The following CES2 variants were observed in gnomAD, a reference collection of about 807,000 sequenced individuals.
CES2 encodes carboxylesterase 2, also known as cocaine esterase.
A neutral mutation model predicts 52.1 loss-of-function variants in CES2; 42 were observed. The ratio of observed to expected loss-of-function variants is 0.81; its 90% CI spans 0.63 to 1.04. The LOEUF (loss-of-function observed/expected upper bound fraction) is 1.04. Ranked by LOEUF, CES2 falls within the 50% of genes least tolerant of loss-of-function variation. The probability of loss-of-function intolerance (pLI) is 0.00; values close to 1 mark genes in which losing one functional copy is unlikely to be tolerated. For missense variants in CES2, 656 were observed against 724.3 expected (o/e 0.91, Z 1.08); for synonymous variants, 277 against 289.6 (o/e 0.96, Z 0.44).
At position 66,943,320 on chromosome 16, in the gene CES2, A is replaced by G. The variant is rs1283520985; in HGVS notation, c.1442A>G (p.Glu481Gly). The stretch of plus-strand genomic sequence containing the variant: ...GCAGTTAAATTCACTGAGGAAGAGG[A>G]GCAGCTAAGCAGGAAGATGATGAAG... ...GNYIKFTEEE[E>G]QLSRKMMKYW... is the part of the protein sequence containing the mutation. The change falls in exon 11 of 12, where the codon GAG becomes GGG. Residue 481 changes from glutamate to glycine, a missense_variant. Coordinates refer to ENST00000317091, the MANE Select transcript of CES2 (RefSeq NM_001365405.1). The surrounding 1 kb of genome is among the most constrained non-coding windows in gnomAD (Gnocchi z 4.2). The G allele has an allele frequency of 1.9e-6, 3 of 1,614,022 alleles. No individual in the cohort carries two copies. The highest frequency in any genetic ancestry group is 4.5e-5 in the East Asian group (2 of 44,896).
chr16:66,935,261 C>G (rs1393232723), upstream of CES2: 2 of 613,010 alleles, frequency 3.3e-6, no homozygotes, highest in African/African-American at 3.7e-5. Context: ...TTTATTGCCC[C>G]CTCCTATCGA....
Position 66,940,609 on chromosome 16 carries a change from C to T in CES2, c.730C>T (p.Gln244Ter). The change falls in exon 5 of 12, where the codon CAA (glutamine) becomes TAA (stop). Residue 244 changes from glutamine (Q) to a stop codon, truncating the protein, a stop_gained. Coordinates refer to ENST00000317091, the MANE Select transcript of CES2 (RefSeq NM_001365405.1). LOFTEE classifies it high-confidence loss of function. The stretch of plus-strand genomic sequence containing the variant: ...TTCGCTTGTTGTGTCCCCCATATCC[C>T]AAGGACTCTTCCACGGAGCCATCAT... ...VSSLVVSPIS[Q>*]GLFHGAIMES... The T allele has an allele frequency of 1.2e-6, 2 of 1,614,240 alleles. No individual in the cohort carries two copies. Among genetic ancestry groups the T allele is most frequent in the Non-Finnish European group, 1.7e-6 (2 of 1,180,036 alleles).
chr16:66,937,031 A>C (rs1472128776), intron 1 of CES2, among the ~76,000 whole-genome samples: 1 of 151,442 alleles, frequency 6.6e-6, no homozygotes, highest in Non-Finnish European at 1.5e-5. Context: ...AAAAAAAAAA[A>C]AGTCAAGCAT....
Position 66,940,421 on chromosome 16 carries a change from C to T in CES2, c.558-16C>T. 5 of 1,614,012 alleles carry T rather than the reference C, an allele frequency of 3.1e-6. No homozygotes were observed. Among genetic ancestry groups the T allele is most frequent in the Non-Finnish European group, 4.2e-6 (5 of 1,179,888 alleles). ...GCCAGGACAGCCCTGTGATCCCTGTCCCTGCTACTTCTCAGCACTGGAGAC... is the reference window on the plus strand; with the variant it reads ...GCCAGGACAGCCCTGTGATCCCTGTTCCTGCTACTTCTCAGCACTGGAGAC... On this transcript the variant is annotated splice_polypyrimidine_tract_variant and intron_variant, in intron 4 of 11. Coordinates refer to ENST00000317091, the MANE Select transcript of CES2 (RefSeq NM_001365405.1).
chr16:66,934,520 C>G (rs1332965479), upstream of CES2: 27 of 1,207,936 alleles, frequency 2.2e-5, no homozygotes, highest in Non-Finnish European at 2.9e-5. The surrounding 1 kb of genome is among the most constrained non-coding windows in gnomAD (Gnocchi z 4.1). Flanking sequence ...GAAGCGGTGA[C>G]CGCGGCCCTG....
rs1963188849 is a variant in CES2, at chr16:66,935,676, C to T, written c.41C>T (p.Ala14Val). 1 of 1,602,092 alleles carries T rather than the reference C, an allele frequency of 6.2e-7. No homozygotes were observed. The highest frequency in any genetic ancestry group is 1.3e-5 in the African/African-American group (1 of 75,036). The change falls in exon 1 of 12, where the codon GCC becomes GTC. Residue 14 changes from alanine to valine, a missense_variant. Physicochemically the swap from Ala to Val is moderately conservative, Grantham distance 64. Coordinates refer to ENST00000317091, the MANE Select transcript of CES2 (RefSeq NM_001365405.1). Reference protein sequence around the residue: ...HRLRARLSAVACGLLLLLVRG... With the variant: ...HRLRARLSAVVCGLLLLLVRG... Reference sequence around the variant, plus strand: ...CTTCGTGCGCGGCTGAGCGCGGTGGCCTGTGGGCTTCTGCTGCTTCTTGTC... The same window carrying T: ...CTTCGTGCGCGGCTGAGCGCGGTGGTCTGTGGGCTTCTGCTGCTTCTTGTC...
rs772821987 is a variant in CES2 at position 66,938,122 on chromosome 16, G to T, written c.162G>T (p.Gly54=). Residue 54 remains glycine, a synonymous_variant, in exon 2 of 12, where the codon GGG becomes GGT. Transcript: ENST00000317091. The part of the protein sequence containing the change: ...SLVHVKGANA[G]VQTFLGIPFA... Reference sequence around the variant, plus strand: ...TCCATGTGAAGGGCGCCAATGCCGGGGTCCAAACCTTCCTGGGAATTCCAT... The same window carrying T: ...TCCATGTGAAGGGCGCCAATGCCGGTGTCCAAACCTTCCTGGGAATTCCAT... 6.2e-7 allele frequency: 1 copy of T among 1,614,114 alleles called. No homozygotes were observed. The highest frequency in any genetic ancestry group is 1.7e-5 in the Admixed American group (1 of 60,012).
intron 6 of CES2, 102 bp from the exon 7 acceptor site, chr16:66,941,404 T>A: frequency 1.3e-6 from 2 of 1,540,058 alleles, no homozygotes; most frequent in South Asian, 2.5e-5. Flanking sequence ...GGGGTGGGTA[T>A]GAGCATCCAG....
Position 66,943,976 on chromosome 16 carries a change from A to G in CES2, c.1631A>G (p.Gln544Arg), listed in dbSNP as rs1963428040. ...CAGTTCTGGAAGAAGGCGCTGCCCC[A>G]AAAGATCCAGGAGCTCGAGGAGCCT... is the stretch of plus-strand genomic sequence containing the variant. Reference protein sequence around the residue: ...RLQFWKKALPQKIQELEEPEE... With the variant: ...RLQFWKKALPRKIQELEEPEE... The change falls in exon 12 of 12, where the codon CAA (glutamine) becomes CGA (arginine). Residue 544 changes from glutamine to arginine, a missense_variant. Transcript: ENST00000317091. This position sits in a 1 kb window ranked among gnomAD's most constrained non-coding sequence, Gnocchi z 4.2. The G allele has an allele frequency of 6.3e-7, 1 of 1,597,372 alleles. No homozygotes were observed. The highest frequency in any genetic ancestry group is 1.1e-5 in the South Asian group (1 of 89,228).
At chr16:66,934,576 T>C (rs1963153732), upstream of CES2, 1 of 714,580 alleles carries the variant, frequency 1.4e-6, no homozygotes, top group Non-Finnish European at 2.2e-6. The surrounding 1 kb of genome is among the most constrained non-coding windows in gnomAD (Gnocchi z 4.1). Flanking sequence ...CAGAAGGCGC[T>C]GAGAAGGGAC....
Position 66,943,507 on chromosome 16 carries a change from C to A in CES2, c.1493+136C>A. ...GATGGCCCCTTCCCCAGCTCCGGGA[C>A]CCACTCAGACAGGGTGGGGGTGCGT... is the stretch of plus-strand genomic sequence containing the variant. On this transcript the variant is annotated intron_variant, in intron 11 of 11. Transcript: ENST00000317091. This position sits in a 1 kb window ranked among gnomAD's most constrained non-coding sequence, Gnocchi z 4.2. 1 of 885,670 alleles carries A rather than the reference C, an allele frequency of 1.1e-6. No homozygotes were observed. The highest frequency in any genetic ancestry group is 1.8e-6 in the Non-Finnish European group (1 of 564,314). The allele number at this position is 885,670 out of a possible 1,614,324, so 54.9% of individuals were successfully genotyped here.
chr16:66,944,066 C>A lies in CES2; in HGVS notation c.*41C>A, dbSNP rs372243961. On this transcript the variant is annotated 3_prime_UTR_variant, in exon 12 of 12. Transcript: ENST00000317091. ...AGGAGGGGGTGGGTTCGCTGACAGGCGAGGGTCAGCCTGCTGTGCCCACAC... is the reference window on the plus strand; with the variant it reads ...AGGAGGGGGTGGGTTCGCTGACAGGAGAGGGTCAGCCTGCTGTGCCCACAC... 2.5e-6 allele frequency: 3 copies of A among 1,181,434 alleles called. No individual in the cohort carries two copies. The highest frequency in any genetic ancestry group is 3.3e-5 in the South Asian group (2 of 59,864). The allele number at this position is 1,181,434 out of a possible 1,614,324, so 73.2% of individuals were successfully genotyped here.
At chr16:66,941,999 C>T in intron 8 of CES2, 106 bp from the exon 9 acceptor site, 1 of 1,514,108 alleles carries the variant, frequency 6.6e-7, no homozygotes, top group Non-Finnish European at 9.0e-7. Context: ...CACCTCAGAG[C>T]CTCGCCTTTG....
In CES2 at chr16:66,943,163, G is replaced by C. The variant is rs1882221438; in HGVS notation, c.1421-136G>C. The C allele has an allele frequency of 1.1e-6, 1 of 880,686 alleles. No homozygotes were observed. Among genetic ancestry groups the C allele is most frequent in the South Asian group, 1.7e-5 (1 of 59,790 alleles). 54.6% of individuals were successfully genotyped at this position (880,686 alleles called of 1,614,324 possible). A position where few individuals can be genotyped will look rare whatever the true frequency, so the allele number is the denominator to read the frequency against. On this transcript the variant is annotated intron_variant, in intron 10 of 11. Coordinates refer to ENST00000317091, the MANE Select transcript of CES2 (RefSeq NM_001365405.1). The surrounding 1 kb of genome is among the most constrained non-coding windows in gnomAD (Gnocchi z 4.2). ...GGAAAGTTTGGAAAAGGGGAGGGCT[G>C]GCTTCTGAGGGCAGTGGAAGAAAAA...
rs770964350 is a variant in CES2, at chr16:66,940,659, C to T, written c.780C>T (p.Pro260=). 26 of 1,614,074 alleles carry T rather than the reference C, an allele frequency of 1.6e-5. No individual in the cohort carries two copies. Among genetic ancestry groups the T allele is most frequent in the South Asian group, 9.9e-5 (9 of 91,086 alleles). The stretch of plus-strand genomic sequence containing the variant: ...TGGAGAGTGGCGTGGCCCTCCTGCC[C>T]GGCCTCATTGCCAGCTCAGCTGATG... ...AIMESGVALL[P]GLIASSADVI... is the part of the protein sequence containing the mutation. Residue 260 remains proline (P), a synonymous_variant, in exon 5 of 12, where the codon CCC becomes CCT. Transcript: ENST00000317091.
intron 2 of CES2, 97 bp from the exon 3 acceptor site, chr16:66,939,120 G>T: frequency 2.0e-6 from 2 of 997,480 alleles, no homozygotes; most frequent in Non-Finnish European, 1.6e-6. Context: ...AGGATATTGT[G>T]GGAAGGGTCT....
At position 66,935,785 on chromosome 16, in the gene CES2, T is replaced by G. The variant is rs561593977; in HGVS notation, c.76+74T>G. The G allele has an allele frequency of 5.5e-3, 8,848 of 1,595,284 alleles. 28 individuals are homozygous for G. Among genetic ancestry groups the G allele is most frequent in the Non-Finnish European group, 6.8e-3 (7,961 of 1,177,748 alleles). ...ATGCTGCGGAGGCAGAACCTGACAG[T>G]GCGGGAGGGCAGGCGCCTGGGAGGT... On this transcript the variant is annotated intron_variant, in intron 1 of 11. Transcript: ENST00000317091.
At chr16:66,936,678 C>T (rs1220749830) in intron 1 of CES2, among the ~76,000 whole-genome samples, 2 of 152,116 alleles carry the variant, frequency 1.3e-5, no homozygotes, top group Non-Finnish European at 2.9e-5. Flanking sequence ...GTGTTTCGGC[C>T]TTTGGTCCTC....
intron 6 of CES2, 67 bp from the exon 7 acceptor site, chr16:66,941,439 G>A (rs1963360580): frequency 6.3e-7 from 1 of 1,581,978 alleles, no homozygotes; most frequent in African/African-American, 1.3e-5. Flanking sequence ...GGAGTGGAAG[G>A]TACTCAGAGG....
Sources: allele counts gnomAD v4.1 joint callset (sites outside exome capture counted in the v4.1 genomes callset), GRCh38; gene constraint gnomAD v4.1.1; non-coding constraint Gnocchi (gnomAD v3.1); transcripts MANE v1.5; gene names NCBI Gene and HGNC (gene_info 2026-07-23, HGNC 2026-07-21).